SKAP1: variants seen among roughly 807,000 people sequenced by gnomAD.
SKAP1 encodes src kinase associated phosphoprotein 1.
Under a neutral mutation model 58.5 loss-of-function variants are expected in SKAP1, and 44 were observed. The ratio of observed to expected loss-of-function variants is 0.75; its 90% CI spans 0.59 to 0.97. The LOEUF (loss-of-function observed/expected upper bound fraction) is 0.97. SKAP1 is among the 50% of genes least tolerant of loss of function. The pLI, the probability that SKAP1 is intolerant of heterozygous loss-of-function variation, is 0.00. For missense variants in SKAP1, 390 were observed against 435.2 expected, an observed-to-expected ratio of 0.90 and a Z score of 0.92; for synonymous variants, 127 against 149.7, an observed-to-expected ratio of 0.85 and a Z score of 1.11.
intron 4 of SKAP1, among the ~76,000 whole-genome samples, chr17:48,233,338 A>G (rs2065144500): frequency 6.6e-6 from 1 of 152,168 alleles, no homozygotes; most frequent in Non-Finnish European, 1.5e-5. Flanking sequence ...AAAAGGAAAT[A>G]TTGATGATTC....
intron 4 of SKAP1, among the ~76,000 whole-genome samples, chr17:48,292,148 A>G (rs984769789): frequency 1.0e-4 from 12 of 114,842 alleles, no homozygotes; most frequent in African/African-American, 2.9e-4. Context: ...AAAAAAAAAG[A>G]AAGAAAGAAA....
chr17:48,149,426 C>T (rs1291779268), intron 11 of SKAP1, among the ~76,000 whole-genome samples: 1 of 152,128 alleles, frequency 6.6e-6, no homozygotes, highest in Non-Finnish European at 1.5e-5. Context: ...AATTAGGATT[C>T]CTTTTGCTTT....
chr17:48,423,539 GCTA>G (rs1334351379), intron 1 of SKAP1, among the ~76,000 whole-genome samples: 1 of 152,118 alleles, frequency 6.6e-6, no homozygotes, highest in Non-Finnish European at 1.5e-5. Flanking sequence ...AGCCACTGTG[GCTA>G]CTAAGCAGCT....
chr17:48,369,679 C>T (rs1236762511), intron 2 of SKAP1, among the ~76,000 whole-genome samples: 1 of 152,088 alleles, frequency 6.6e-6, no homozygotes, highest in East Asian at 1.9e-4. Context: ...ACTTTTCTTA[C>T]ATTAACCCAT....
At chr17:48,407,288 C>T (rs1407320902) in intron 1 of SKAP1, among the ~76,000 whole-genome samples, 2 of 151,976 alleles carry the variant, frequency 1.3e-5, no homozygotes, top group Non-Finnish European at 2.9e-5. Context: ...GAAGTCAGAA[C>T]AGAACAATAA....
intron 4 of SKAP1, among the ~76,000 whole-genome samples, chr17:48,290,949 T>C (rs575481703): frequency 2.0e-5 from 3 of 152,210 alleles, no homozygotes; most frequent in African/African-American, 7.2e-5. Context: ...GAGACCAGCC[T>C]GGGCAACATG....
At chr17:48,262,293 G>C (rs953530693) in intron 4 of SKAP1, among the ~76,000 whole-genome samples, 6 of 152,122 alleles carry the variant, frequency 3.9e-5, no homozygotes, top group Non-Finnish European at 7.4e-5. Flanking sequence ...AGATAGCAAA[G>C]AGATCATAAA....
chr17:48,350,312 G>A (rs1310251796), intron 3 of SKAP1, among the ~76,000 whole-genome samples: 2 of 151,976 alleles, frequency 1.3e-5, no homozygotes, highest in Non-Finnish European at 2.9e-5. Context: ...CTACATCATC[G>A]TCTTTTATTT....
At chr17:48,255,943 C>T (rs895308451) in intron 4 of SKAP1, among the ~76,000 whole-genome samples, 2 of 152,096 alleles carry the variant, frequency 1.3e-5, no homozygotes, top group African/African-American at 2.4e-5. Flanking sequence ...AAATCACTAC[C>T]GTCTGCTCTC....
At position 48,430,196 on chromosome 17, in the gene SKAP1, T is replaced by C; in HGVS notation, c.-76A>G. The C allele has an allele frequency of 1.8e-6, 2 of 1,095,074 alleles. No individual in the cohort carries two copies. Among genetic ancestry groups the C allele is most frequent in the Non-Finnish European group, 2.3e-6 (2 of 882,564 alleles). 67.8% of individuals were successfully genotyped at this position (1,095,074 alleles called of 1,614,324 possible). A position where few individuals can be genotyped will look rare whatever the true frequency, so the allele number is the denominator to read the frequency against. ...CGGACGGGCTGGAAGGCGACCCGGC[T>C]GCACCGCGAGGCACCTGTACCTCAG... is the stretch of plus-strand genomic sequence containing the variant. On this transcript the variant is annotated 5_prime_UTR_variant, in exon 1 of 13. Transcript: ENST00000336915.
At chr17:48,141,166 C>G (rs564874530) in intron 11 of SKAP1, among the ~76,000 whole-genome samples, 1 of 152,084 alleles carries the variant, frequency 6.6e-6, no homozygotes, top group African/African-American at 2.4e-5. Context: ...ATCTTCTTTC[C>G]GTTCCCAGTT....
chr17:48,400,925 G>T (rs1405059926), intron 1 of SKAP1, among the ~76,000 whole-genome samples: 1 of 152,008 alleles, frequency 6.6e-6, no homozygotes, highest in Non-Finnish European at 1.5e-5. Flanking sequence ...CAAAATCCCA[G>T]CTGGCTTTTT....
chr17:48,396,620 A>G lies in SKAP1; in HGVS notation c.152+60T>C, dbSNP rs548073992. On this transcript the variant is annotated intron_variant, in intron 2 of 12. Coordinates refer to ENST00000336915, the MANE Select transcript of SKAP1 (RefSeq NM_003726.4). The stretch of plus-strand genomic sequence containing the variant: ...ATGTCTTACCTTGTGACTTTATTTT[A>G]CTGATTATAAATTGTTTTAAAGCTT... 5.5e-6 allele frequency: 6 copies of G among 1,083,768 alleles called. No homozygotes were observed. In the African/African-American group the frequency reaches 9.5e-5, roughly 17 times the overall value. 67.1% of individuals were successfully genotyped at this position (1,083,768 alleles called of 1,614,324 possible).
chr17:48,340,537 C>A (rs1360743362), intron 4 of SKAP1, among the ~76,000 whole-genome samples: 1 of 152,080 alleles, frequency 6.6e-6, no homozygotes, highest in Non-Finnish European at 1.5e-5. Context: ...AGCACATAAG[C>A]AAAACCTGAT....
chr17:48,229,436 G>A (rs2065103779), intron 4 of SKAP1, among the ~76,000 whole-genome samples: 1 of 151,864 alleles, frequency 6.6e-6, no homozygotes, highest in African/African-American at 2.4e-5. Context: ...GCCTGGCCAA[G>A]ATGGTTAAAC....
At chr17:48,169,060 A>G (rs190320023) in intron 10 of SKAP1, among the ~76,000 whole-genome samples, 2 of 152,240 alleles carry the variant, frequency 1.3e-5, no homozygotes, top group African/African-American at 4.8e-5. Context: ...AGAGCTTGCT[A>G]TACTTTAACA....
At chr17:48,338,629 C>A (rs1311193763) in intron 4 of SKAP1, among the ~76,000 whole-genome samples, 1 of 152,098 alleles carries the variant, frequency 6.6e-6, no homozygotes, top group Non-Finnish European at 1.5e-5. Flanking sequence ...AGATGTCCAG[C>A]TATCAACACA....
chr17:48,439,674 C>T, the SKAP1 span, among the ~76,000 whole-genome samples: 1 of 152,164 alleles, frequency 6.6e-6, no homozygotes, highest in African/African-American at 2.4e-5. Context: ...TTGTTATCAG[C>T]ACAATTCATG....
intron 1 of SKAP1, among the ~76,000 whole-genome samples, chr17:48,419,286 G>GC (rs1250782462): frequency 4.0e-5 from 6 of 149,816 alleles, no homozygotes; most frequent in Non-Finnish European, 7.4e-5. Flanking sequence ...AGAATTTGGG[G>GC]CTTTTTTTTT....
Sources: gnomAD v4.1 joint callset for allele counts (sites outside exome capture counted in the v4.1 genomes callset) on GRCh38, gnomAD v4.1.1 for gene constraint, MANE v1.5 for transcripts, NCBI Gene and HGNC (gene_info 2026-07-23, HGNC 2026-07-21) for gene names.